PDGFD: variants seen among roughly 807,000 people sequenced by gnomAD.
PDGFD encodes the protein platelet-derived growth factor D.
PDGFD carries 30 observed loss-of-function variants against 44.7 expected under a neutral mutation model. The observed-to-expected ratio is 0.67, with a 90% CI of 0.50 to 0.91. The LOEUF is 0.91. PDGFD is among the 40% of genes least tolerant of loss of function. The pLI is 0.00. For synonymous variants in PDGFD, 173 were observed against 168.4 expected (o/e 1.03, Z -0.21); for missense variants, 445 against 457.8 (o/e 0.97, Z 0.25).
chr11:104,104,592 G>T (rs1298450048), intron 1 of PDGFD, among the ~76,000 whole-genome samples: 1 of 152,092 alleles, frequency 6.6e-6, no homozygotes, highest in Non-Finnish European at 1.5e-5. Flanking sequence ...GTACAGGTTT[G>T]TAGCCTAGGA....
intron 3 of PDGFD, among the ~76,000 whole-genome samples, chr11:103,987,252 C>A (rs1859381497): frequency 1.3e-5 from 2 of 152,182 alleles, no homozygotes; most frequent in Admixed American, 6.5e-5. Context: ...TAAGGTGAAC[C>A]CGTCAGCTGG....
At chr11:104,111,561 TATTG>T (rs139299827) in intron 1 of PDGFD, among the ~76,000 whole-genome samples, 2,688 of 152,220 alleles carry the variant, frequency 0.018, 63 homozygotes, top group African/African-American at 0.06. Flanking sequence ...CCTGGCCCTG[TATTG>T]ATTATTTTTC....
intron 1 of PDGFD, among the ~76,000 whole-genome samples, chr11:104,017,202 AT>A (rs1302846566): frequency 6.6e-6 from 1 of 152,166 alleles, no homozygotes; most frequent in Non-Finnish European, 1.5e-5. Flanking sequence ...TGGTGTCCTG[AT>A]TTTGAACTTC....
At chr11:104,069,391 T>A (rs1426960981) in intron 1 of PDGFD, among the ~76,000 whole-genome samples, 1 of 152,198 alleles carries the variant, frequency 6.6e-6, no homozygotes, top group African/African-American at 2.4e-5. Flanking sequence ...GACTATTTGG[T>A]TAAAGTGGTA....
intron 1 of PDGFD, among the ~76,000 whole-genome samples, chr11:104,140,741 T>A (rs142846685): frequency 6.6e-6 from 1 of 152,260 alleles, no homozygotes; most frequent in Non-Finnish European, 1.5e-5. Flanking sequence ...AACACAACAA[T>A]CATTTCTATT....
intron 1 of PDGFD, among the ~76,000 whole-genome samples, chr11:104,139,663 C>G (rs1591183187): frequency 6.6e-6 from 1 of 152,134 alleles, no homozygotes; most frequent in South Asian, 2.1e-4. Flanking sequence ...GCATATTTCC[C>G]TGATTCATAA....
At chr11:103,953,339 A>G (rs1304664329) in intron 3 of PDGFD, among the ~76,000 whole-genome samples, 2 of 152,162 alleles carry the variant, frequency 1.3e-5, no homozygotes, top group Non-Finnish European at 2.9e-5. Context: ...GAACTCATAA[A>G]TCAAAAGCTT....
At position 104,163,017 on chromosome 11, in the gene PDGFD, G is replaced by T. The variant is rs184995350; in HGVS notation, c.124+787C>A. On this transcript the variant is annotated intron_variant, in intron 1 of 6. Coordinates refer to ENST00000393158, the MANE Select transcript of PDGFD (RefSeq NM_025208.5). Reference sequence around the variant, plus strand: ...AGGGTCTCTGGAACCAGTGACCCAGGTGTCCTCTAGAGTAAAGGAAAACAA... The same window carrying T: ...AGGGTCTCTGGAACCAGTGACCCAGTTGTCCTCTAGAGTAAAGGAAAACAA... Among the ~76,000 whole-genome samples, 3 of 152,314 alleles carry T rather than the reference G, an allele frequency of 2.0e-5. No homozygotes were observed. In the East Asian group the frequency reaches 5.8e-4, roughly 29 times the overall value.
intron 1 of PDGFD, among the ~76,000 whole-genome samples, chr11:104,152,234 T>G (rs920469623): frequency 2.0e-5 from 3 of 152,204 alleles, no homozygotes; most frequent in Non-Finnish European, 4.4e-5. Context: ...CAACATATAC[T>G]GTACTTAAAT....
rs370721006 is a variant in PDGFD, at chr11:103,909,654, A to G, written c.*40T>C. On this transcript the variant is annotated 3_prime_UTR_variant, in exon 7 of 7. Coordinates refer to ENST00000393158, the MANE Select transcript of PDGFD (RefSeq NM_025208.5). ...CTCTTATCTCACCCTCCTTAAACTA[A>G]AGGTTCTTTCAGGCTTAATGTAAGG... 1 of 1,611,432 alleles carries G rather than the reference A, an allele frequency of 6.2e-7. No homozygotes were observed.
intron 1 of PDGFD, among the ~76,000 whole-genome samples, chr11:104,031,858 A>G (rs1431918537): frequency 6.6e-6 from 1 of 152,162 alleles, no homozygotes; most frequent in Admixed American, 6.5e-5. Flanking sequence ...ATGGATGAAT[A>G]TGGAAGCCAT....
chr11:103,975,034 T>C (rs918443017), intron 3 of PDGFD, among the ~76,000 whole-genome samples: 17 of 152,180 alleles, frequency 1.1e-4, no homozygotes, highest in Admixed American at 6.5e-4. Flanking sequence ...CTAGGTCAAG[T>C]GGCATTTCTG....
At chr11:104,016,504 C>G (rs1055063740) in intron 1 of PDGFD, among the ~76,000 whole-genome samples, 3 of 152,190 alleles carry the variant, frequency 2.0e-5, no homozygotes, top group African/African-American at 7.2e-5. Flanking sequence ...ACAGACTTAC[C>G]AAGACTGGCT....
At chr11:103,942,500 T>C (rs1858600570) in intron 5 of PDGFD, among the ~76,000 whole-genome samples, 1 of 152,126 alleles carries the variant, frequency 6.6e-6, no homozygotes, top group African/African-American at 2.4e-5. Context: ...TTAATGTTCC[T>C]CTCGGTTCTC....
chr11:104,034,953 T>C (rs1431175994), intron 1 of PDGFD, among the ~76,000 whole-genome samples: 14 of 152,150 alleles, frequency 9.2e-5, no homozygotes, highest in Admixed American at 6.5e-5. Flanking sequence ...CAAAACACTT[T>C]ATTAAACATA....
intron 3 of PDGFD, among the ~76,000 whole-genome samples, chr11:103,964,093 C>G (rs1373330356): frequency 6.6e-6 from 1 of 152,136 alleles, no homozygotes; most frequent in Non-Finnish European, 1.5e-5. Context: ...CCCATGATGG[C>G]AGGCTTGGTC....
At chr11:104,058,771 A>G (rs559238731) in intron 1 of PDGFD, among the ~76,000 whole-genome samples, 3 of 152,258 alleles carry the variant, frequency 2.0e-5, no homozygotes, top group African/African-American at 4.8e-5. Context: ...AAATTACAGG[A>G]GTTTCATATG....
At chr11:103,954,793 T>C (rs1039132710) in intron 3 of PDGFD, among the ~76,000 whole-genome samples, 21 of 152,188 alleles carry the variant, frequency 1.4e-4, no homozygotes, top group African/African-American at 5.1e-4. Flanking sequence ...AATTTCTAAA[T>C]GCTTAATGCT....
At chr11:104,143,706 C>T (rs1015169659) in intron 1 of PDGFD, among the ~76,000 whole-genome samples, 1 of 152,190 alleles carries the variant, frequency 6.6e-6, no homozygotes, top group African/African-American at 2.4e-5. Flanking sequence ...TACTAGTATA[C>T]ATCTAGCTGC....
Sources: gnomAD v4.1 joint callset for allele counts (sites outside exome capture counted in the v4.1 genomes callset) on GRCh38, gnomAD v4.1.1 for gene constraint, MANE v1.5 for transcripts, NCBI Gene and HGNC (gene_info 2026-07-23, HGNC 2026-07-21) for gene names.